Variants in STK32B observed in about 807,000 individuals in gnomAD.
STK32B encodes serine/threonine-protein kinase 32B.
STK32B carries 43 observed loss-of-function variants against 52.6 expected under a neutral mutation model. That is an observed-to-expected ratio of 0.82 (90% confidence interval 0.64 to 1.05). STK32B has a LOEUF of 1.05. Among genes scored for constraint, STK32B ranks in the 50% least tolerant of loss-of-function variants. The pLI, the probability that STK32B is intolerant of heterozygous loss-of-function variation, is 0.00. For missense variants in STK32B, 621 were observed against 534.6 expected (o/e 1.16, Z -1.59); for synonymous variants, 238 against 204.3 (o/e 1.17, Z -1.41).
intron 11 of STK32B, among the ~76,000 whole-genome samples, chr4:5,477,994 G>T (rs562285608): frequency 6.6e-6 from 1 of 152,114 alleles, no homozygotes; most frequent in South Asian, 2.1e-4. Context: ...CCTCACCTCC[G>T]AGTCTAGGGA....
At chr4:5,304,720 C>T (rs7694582) in intron 3 of STK32B, among the ~76,000 whole-genome samples, 48,730 of 151,758 alleles carry the variant, frequency 0.32, 12,641 homozygotes, top group African/African-American at 0.72. Context: ...CAGTACTATG[C>T]TGAATAGAAG....
At chr4:5,359,334 T>TCCACCCATCCAC (rs1230356927) in intron 4 of STK32B, among the ~76,000 whole-genome samples, 8 of 151,562 alleles carry the variant, frequency 5.3e-5, no homozygotes, top group African/African-American at 1.7e-4. Flanking sequence ...TACCCATCCA[T>TCCACCCATCCAC]CCACCCATCC....
chr4:5,307,557 T>C (rs1344614641), intron 3 of STK32B, among the ~76,000 whole-genome samples: 1 of 151,922 alleles, frequency 6.6e-6, no homozygotes, highest in East Asian at 1.9e-4. Flanking sequence ...TCTTTTTTTT[T>C]TTTTTTTAGG....
rs569185010 is a variant in STK32B, at chr4:5,375,102, G to A, written c.435-23105G>A. On this transcript the variant is annotated intron_variant, in intron 4 of 11. Coordinates refer to ENST00000282908, the MANE Select transcript of STK32B (RefSeq NM_018401.3). ...GCCTGTAAGTCCCCTCCCACCCCTGGTGGTCTCACCATCTGGCTTCTGAAA... is the reference window on the plus strand; with the variant it reads ...GCCTGTAAGTCCCCTCCCACCCCTGATGGTCTCACCATCTGGCTTCTGAAA... Among the ~76,000 whole-genome samples the A allele has an allele frequency of 2.6e-5, 4 of 152,168 alleles. No individual in the cohort carries two copies. The South Asian group carries it at 8.3e-4, about 32-fold the overall frequency.
At chr4:5,429,752 C>A (rs1463423173) in intron 6 of STK32B, among the ~76,000 whole-genome samples, 4 of 152,046 alleles carry the variant, frequency 2.6e-5, no homozygotes, top group Admixed American at 2.6e-4. Flanking sequence ...CTATTAAAAT[C>A]TACTGGTAAT....
chr4:5,347,721 G>T (rs1733558733), intron 4 of STK32B, among the ~76,000 whole-genome samples: 1 of 152,098 alleles, frequency 6.6e-6, no homozygotes, highest in Non-Finnish European at 1.5e-5. Context: ...CCTCCTTGCT[G>T]TTCTCATGAT....
At chr4:5,350,171 A>G (rs976360800) in intron 4 of STK32B, among the ~76,000 whole-genome samples, 30 of 152,002 alleles carry the variant, frequency 2.0e-4, no homozygotes, top group African/African-American at 4.8e-5. Flanking sequence ...GGCACATTCT[A>G]GTCAAAATGT....
intron 1 of STK32B, among the ~76,000 whole-genome samples, chr4:5,120,689 A>G (rs1714977703): frequency 1.3e-5 from 2 of 152,100 alleles, no homozygotes; most frequent in African/African-American, 4.8e-5. Flanking sequence ...AGTCATGAGA[A>G]TTTTTGAGAT....
intron 1 of STK32B, among the ~76,000 whole-genome samples, chr4:5,095,927 T>C (rs768166844): frequency 8.5e-5 from 13 of 152,234 alleles, no homozygotes; most frequent in Non-Finnish European, 1.5e-5. Flanking sequence ...TGATGTAATA[T>C]GTTCAAGATT....
rs114474238 is a variant in STK32B at position 5,423,911 on chromosome 4, T to A, written c.562+6977T>A. Among the ~76,000 whole-genome samples the A allele has an allele frequency of 4.4e-3, 667 of 152,218 alleles. 5 individuals carry two copies. Among genetic ancestry groups the A allele is most frequent in the African/African-American group, 0.015 (635 of 41,536 alleles). Reference sequence around the variant, plus strand: ...GAAGCCCCGCCGCCCCCTTGTGAGTTGGAGAGGCGGGATTCCTGCCCTCCT... The same window carrying A: ...GAAGCCCCGCCGCCCCCTTGTGAGTAGGAGAGGCGGGATTCCTGCCCTCCT... On this transcript the variant is annotated intron_variant, in intron 6 of 11. Coordinates refer to ENST00000282908, the MANE Select transcript of STK32B (RefSeq NM_018401.3).
At chr4:5,348,542 T>C (rs1483806857) in intron 4 of STK32B, among the ~76,000 whole-genome samples, 1 of 152,172 alleles carries the variant, frequency 6.6e-6, no homozygotes, top group African/African-American at 2.4e-5. Context: ...TTTTATGTGC[T>C]GTGAGGACAA....
intron 7 of STK32B, among the ~76,000 whole-genome samples, chr4:5,450,662 C>T (rs973476546): frequency 4.6e-5 from 7 of 152,186 alleles, no homozygotes; most frequent in Non-Finnish European, 8.8e-5. Flanking sequence ...TATTCAGAAT[C>T]CGTTTGTATT....
At chr4:5,333,985 T>G (rs1029736311) in intron 4 of STK32B, among the ~76,000 whole-genome samples, 3 of 152,194 alleles carry the variant, frequency 2.0e-5, no homozygotes, top group South Asian at 2.1e-4. Context: ...ATATGAACTT[T>G]AAAGTAGTTT....
chr4:5,493,984 G>C (rs1240091136), intron 11 of STK32B, among the ~76,000 whole-genome samples: 5 of 152,254 alleles, frequency 3.3e-5, no homozygotes, highest in Non-Finnish European at 5.9e-5. Context: ...TTGCTGAGGA[G>C]AGCTTTACTT....
chr4:5,228,464 A>C lies in STK32B; in HGVS notation c.260+60014A>C, dbSNP rs114877416. Among the ~76,000 whole-genome samples the C allele has an allele frequency of 4.4e-3, 674 of 152,332 alleles. 4 individuals are homozygous for C. Among genetic ancestry groups the C allele is most frequent in the Middle Eastern group, 0.01 (3 of 294 alleles). On this transcript the variant is annotated intron_variant, in intron 3 of 11. Coordinates refer to ENST00000282908, the MANE Select transcript of STK32B (RefSeq NM_018401.3). ...AGCTTCGTCAGCCAGTGCAATGGAT[A>C]GCTTATCCTGAATATGCTTCAGTGG... is the stretch of plus-strand genomic sequence containing the variant.
chr4:5,068,428 C>A (rs902620049), intron 1 of STK32B, among the ~76,000 whole-genome samples: 1 of 152,124 alleles, frequency 6.6e-6, no homozygotes, highest in African/African-American at 2.4e-5. Context: ...CCAGTTCAAG[C>A]CAAGTTGCTG....
chr4:5,305,534 G>C (rs1199473079), intron 3 of STK32B, among the ~76,000 whole-genome samples: 1 of 151,970 alleles, frequency 6.6e-6, no homozygotes, highest in East Asian at 1.9e-4. Flanking sequence ...TACTTCTGTG[G>C]TATCAGTTGT....
At chr4:5,175,205 A>T (rs913149285) in intron 3 of STK32B, among the ~76,000 whole-genome samples, 6 of 149,742 alleles carry the variant, frequency 4.0e-5, no homozygotes, top group Admixed American at 1.3e-4. Flanking sequence ...CATTCGTCTA[A>T]TTTTTTTTTT....
intron 3 of STK32B, among the ~76,000 whole-genome samples, chr4:5,301,655 CT>C (rs1212256589): frequency 1.4e-3 from 138 of 96,886 alleles, no homozygotes; most frequent in African/African-American, 7.4e-3. Context: ...ATTTGAGTTT[CT>C]TTTCTTTCTT....
Sources: allele counts gnomAD v4.1 joint callset (sites outside exome capture counted in the v4.1 genomes callset), GRCh38; gene constraint gnomAD v4.1.1; transcripts MANE v1.5; gene names NCBI Gene and HGNC (gene_info 2026-07-23, HGNC 2026-07-21).